Variants in OSBPL10 observed in about 807,000 individuals in gnomAD.
OSBPL10 encodes oxysterol binding protein like 10.
A neutral mutation model predicts 81.7 loss-of-function variants in OSBPL10; 49 were observed. The observed-to-expected ratio is 0.60, with a 90% CI of 0.48 to 0.76. OSBPL10 has a LOEUF of 0.76. Among genes scored for constraint, OSBPL10 ranks in the 30% least tolerant of loss-of-function variants. The pLI, the probability that OSBPL10 is intolerant of heterozygous loss-of-function variation, is 0.00. For synonymous variants in OSBPL10, 419 were observed against 383.6 expected, an observed-to-expected ratio of 1.09 and a Z score of -1.08; for missense variants, 923 against 987.8, an observed-to-expected ratio of 0.93 and a Z score of 0.88.
chr3:31,666,261 G>C (rs570554403), intron 10 of OSBPL10, among the ~76,000 whole-genome samples: 35 of 152,328 alleles, frequency 2.3e-4, no homozygotes, highest in African/African-American at 8.4e-4. Context: ...TTTCTGCTCA[G>C]ACCAAGCTCT....
At chr3:31,716,034 T>G (rs1385775825) in intron 6 of OSBPL10, among the ~76,000 whole-genome samples, 3 of 151,698 alleles carry the variant, frequency 2.0e-5, no homozygotes, top group Non-Finnish European at 2.9e-5. Context: ...GAATGCAGAG[T>G]GGCAGCGGGA....
At chr3:31,780,707 AGAG>A (rs1364402424) in intron 4 of OSBPL10, among the ~76,000 whole-genome samples, 1 of 152,198 alleles carries the variant, frequency 6.6e-6, no homozygotes, top group Admixed American at 6.5e-5. Context: ...TAGAAAATCT[AGAG>A]GAGATAGATA....
intron 4 of OSBPL10, among the ~76,000 whole-genome samples, chr3:31,761,518 GGAAATAA>G (rs1698040595): frequency 6.8e-6 from 1 of 146,438 alleles, no homozygotes; most frequent in South Asian, 2.2e-4. Context: ...GAAAATTTAA[GGAAATAA>G]GACTAAAGAG....
chr3:31,835,548 T>C (rs773715770), intron 3 of OSBPL10, among the ~76,000 whole-genome samples: 52 of 152,172 alleles, frequency 3.4e-4, no homozygotes, highest in African/African-American at 9.9e-4. Flanking sequence ...CGTCCACTAA[T>C]TGTAACAACA....
intron 1 of OSBPL10, among the ~76,000 whole-genome samples, chr3:31,947,088 A>C (rs1488604448): frequency 6.6e-6 from 1 of 152,214 alleles, no homozygotes; most frequent in Non-Finnish European, 1.5e-5. Flanking sequence ...TAGATACTAG[A>C]GAACGAGACA....
intron 4 of OSBPL10, among the ~76,000 whole-genome samples, chr3:31,748,679 C>G (rs1218997160): frequency 6.7e-6 from 1 of 149,520 alleles, no homozygotes; most frequent in African/African-American, 2.4e-5. Flanking sequence ...AGGACATGAC[C>G]TTCTTAACAC....
chr3:31,754,387 G>A (rs979691770), intron 4 of OSBPL10, among the ~76,000 whole-genome samples: 3 of 152,118 alleles, frequency 2.0e-5, no homozygotes, highest in Non-Finnish European at 4.4e-5. Context: ...GGCAATAACG[G>A]ACAAGATGAG....
intron 1 of OSBPL10, among the ~76,000 whole-genome samples, chr3:32,052,914 A>G (rs1311195113): frequency 6.6e-6 from 1 of 152,182 alleles, no homozygotes; most frequent in African/African-American, 2.4e-5. Flanking sequence ...GCACATGTGT[A>G]CCTACGTAAC....
chr3:31,666,464 C>G (rs532688716), intron 10 of OSBPL10, among the ~76,000 whole-genome samples: 2 of 152,316 alleles, frequency 1.3e-5, no homozygotes, highest in African/African-American at 2.4e-5. Flanking sequence ...TGCTGATGGT[C>G]CCTCCTTTGC....
intron 1 of OSBPL10, among the ~76,000 whole-genome samples, chr3:32,060,138 C>CA (rs968143063): frequency 6.6e-6 from 1 of 151,530 alleles, no homozygotes; most frequent in African/African-American, 2.4e-5. Flanking sequence ...CCTTTTCTGA[C>CA]AAAAAAACTA....
intron 6 of OSBPL10, among the ~76,000 whole-genome samples, chr3:31,705,183 G>A (rs973189001): frequency 1.3e-5 from 2 of 152,180 alleles, no homozygotes; most frequent in African/African-American, 4.8e-5. Flanking sequence ...ACCTAGGACT[G>A]TTTTCTCTCC....
intron 4 of OSBPL10, among the ~76,000 whole-genome samples, chr3:31,826,805 C>T (rs1700111330): frequency 6.6e-6 from 1 of 152,154 alleles, no homozygotes; most frequent in Non-Finnish European, 1.5e-5. Flanking sequence ...GGCCACATCA[C>T]AAAATGACAA....
At chr3:31,781,143 T>A (rs975439135) in intron 4 of OSBPL10, among the ~76,000 whole-genome samples, 2 of 152,156 alleles carry the variant, frequency 1.3e-5, no homozygotes, top group Non-Finnish European at 2.9e-5. Flanking sequence ...TACCAGGGAT[T>A]CAGAGATGGT....
At chr3:31,904,048 T>C (rs78664318) in intron 1 of OSBPL10, among the ~76,000 whole-genome samples, 3,083 of 152,164 alleles carry the variant, frequency 0.02, 107 homozygotes, top group African/African-American at 0.071. Context: ...ACTATAATAC[T>C]ACCGCCCTAA....
At chr3:31,748,385 G>C (rs182196664) in intron 4 of OSBPL10, among the ~76,000 whole-genome samples, 96 of 152,288 alleles carry the variant, frequency 6.3e-4, no homozygotes, top group African/African-American at 2.3e-3. Context: ...TCATTTTACA[G>C]ATCTTCTGGA....
At chr3:31,870,435 G>T (rs577257917) in intron 3 of OSBPL10, among the ~76,000 whole-genome samples, 7 of 152,188 alleles carry the variant, frequency 4.6e-5, no homozygotes, top group African/African-American at 1.7e-4. Context: ...GAGCCTCCCC[G>T]ACGAGCGCCG....
chr3:31,741,903 G>A (rs1181460676), intron 5 of OSBPL10, among the ~76,000 whole-genome samples: 10 of 152,122 alleles, frequency 6.6e-5, no homozygotes, highest in South Asian at 2.1e-4. Context: ...CTCTCTCTTC[G>A]CCTGCTGCCA....
chr3:31,763,942 C>T (rs183506603), intron 4 of OSBPL10, among the ~76,000 whole-genome samples: 3 of 152,304 alleles, frequency 2.0e-5, no homozygotes, highest in East Asian at 1.9e-4. Flanking sequence ...CATTAATTAA[C>T]GTTTATTGTA....
In OSBPL10 at chr3:31,670,810, C is replaced by T. The variant is rs753672794; in HGVS notation, c.1900G>A (p.Gly634Arg). The T allele has an allele frequency of 6.2e-7, 1 of 1,613,770 alleles. No homozygotes were observed. Among genetic ancestry groups the T allele is most frequent in the Non-Finnish European group, 8.5e-7 (1 of 1,179,820 alleles). Residue 634 changes from glycine (G) to arginine (R), a missense_variant, in exon 9 of 12, where the codon GGG becomes AGG. Gly to Arg is a moderately radical substitution (Grantham distance 125). Around this residue, in one of 3 missense-constraint regions of OSBPL10, gnomAD observed 387 missense variants for 436.3 expected, o/e 0.89. Transcript: ENST00000396556. ...GCCAGCTCCTACCTGTGGACTTTCC[C>T]TCCATAGAAAGGCTTCGTGTGGAAT... The part of the protein sequence containing the change: ...VIFHTKPFYG[G>R]KVHRVTAEVK...
Sources: allele counts gnomAD v4.1 joint callset (sites outside exome capture counted in the v4.1 genomes callset), GRCh38; gene constraint gnomAD v4.1.1; regional missense constraint gnomAD v4.1.1; transcripts MANE v1.5; gene names NCBI Gene and HGNC (gene_info 2026-07-23, HGNC 2026-07-21).